The following MDN1 variants were observed in gnomAD, a reference collection of about 807,000 sequenced individuals.
The protein encoded by MDN1 is midasin AAA ATPase 1.
A neutral mutation model predicts 669.2 loss-of-function variants in MDN1; 266 were observed. That is an observed-to-expected ratio of 0.40 (90% CI 0.36 to 0.44). MDN1 has a LOEUF of 0.44. Among genes scored for constraint, MDN1 ranks in the 20% least tolerant of loss-of-function variants. The pLI, the probability that MDN1 is intolerant of heterozygous loss-of-function variation, is 1.00. For synonymous variants in MDN1, 2,385 were observed against 2,457.1 expected, an observed-to-expected ratio of 0.97 and a Z score of 0.87; for missense variants, 5,940 against 6,754.0, an observed-to-expected ratio of 0.88 and a Z score of 4.22.
At chr6:89,754,452 G>A (rs921124760) in intron 20 of MDN1, among the ~76,000 whole-genome samples, 1 of 152,074 alleles carries the variant, frequency 6.6e-6, no homozygotes, top group Non-Finnish European at 1.5e-5. Context: ...ATTTCCTTGG[G>A]GAAACTGGGA....
chr6:89,661,994 G>A, intron 87 of MDN1, 93 bp downstream of exon 87: 2 of 1,442,198 alleles, frequency 1.4e-6, no homozygotes, highest in South Asian at 2.8e-5. Context: ...CGACGAACAG[G>A]GGAAAAAATA....
rs1357137682 is a variant in MDN1, at chr6:89,648,814, A to C, written c.16207-485T>G. ...AGTGAAACCCTGTAACCCTGTCTTC[A>C]AAAAAAAAAAAAAAAACAATTTAGC... is the stretch of plus-strand genomic sequence containing the variant. On this transcript the variant is annotated intron_variant, in intron 97 of 101. Coordinates refer to ENST00000369393, the MANE Select transcript of MDN1 (RefSeq NM_014611.3). Among the ~76,000 whole-genome samples the C allele has an allele frequency of 1.8e-3, 5 of 2,794 alleles. No homozygotes were observed. The Admixed American group carries it at 0.038, about 21-fold the overall frequency. 1.8% of individuals were successfully genotyped at this position (2,794 alleles called of 152,430 possible).
intron 69 of MDN1, 89 bp from the exon 70 acceptor site, chr6:89,686,062 G>C (rs932872883): frequency 1.6e-6 from 2 of 1,285,684 alleles, no homozygotes; most frequent in East Asian, 4.8e-5. Flanking sequence ...GGGATACTAC[G>C]GATGGCCAAG....
At chr6:89,646,227 G>A (rs1307701623) in intron 100 of MDN1, among the ~76,000 whole-genome samples, 2 of 152,182 alleles carry the variant, frequency 1.3e-5, no homozygotes, top group Non-Finnish European at 2.9e-5. Flanking sequence ...TGGTATTCAA[G>A]GGTTAATTGT....
At position 89,806,676 on chromosome 6, in the gene MDN1, C is replaced by T. The variant is rs138121785; in HGVS notation, c.103-3122G>A. Among the ~76,000 whole-genome samples the T allele has an allele frequency of 4.6e-5, 7 of 152,232 alleles. No homozygotes were observed. The East Asian group carries it at 1.3e-3, about 29-fold the overall frequency. On this transcript the variant is annotated intron_variant, in intron 1 of 101. Transcript: ENST00000369393. Reference sequence around the variant, plus strand: ...GAGGTTGCAGTGAACTGAGAATGCACCACTGCACTCCAGCCCGGGCAACAG... The same window carrying T: ...GAGGTTGCAGTGAACTGAGAATGCATCACTGCACTCCAGCCCGGGCAACAG...
intron 2 of MDN1, among the ~76,000 whole-genome samples, chr6:89,796,896 C>T (rs572772293): frequency 4.0e-5 from 6 of 151,630 alleles, no homozygotes; most frequent in African/African-American, 1.5e-4. Flanking sequence ...TGGAGAAACC[C>T]CATCTCTACT....
At chr6:89,809,884 G>A (rs1768274364) in intron 1 of MDN1, among the ~76,000 whole-genome samples, 1 of 148,650 alleles carries the variant, frequency 6.7e-6, no homozygotes, top group African/African-American at 2.5e-5. Flanking sequence ...TACTACTCAT[G>A]AGGCTAGAGT....
intron 84 of MDN1, among the ~76,000 whole-genome samples, chr6:89,667,159 T>C (rs1347281350): frequency 1.3e-5 from 2 of 152,224 alleles, no homozygotes; most frequent in Admixed American, 6.5e-5. Flanking sequence ...TGAACTTTTC[T>C]ATTAGATTTG....
At chr6:89,815,196 C>T in intron 1 of MDN1, 1 of 388,210 alleles carries the variant, frequency 2.6e-6, no homozygotes, top group Admixed American at 3.5e-5. Context: ...CCCTCTACGG[C>T]AGTGGAGGCG....
chr6:89,688,292 G>GAAA, intron 66 of MDN1, 119 bp from the exon 67 acceptor site: 1 of 798,792 alleles, frequency 1.3e-6, no homozygotes. Flanking sequence ...AAACACCTCT[G>GAAA]AAAAAAAAAA....
chr6:89,706,236 A>G, intron 52 of MDN1, 44 bp from the exon 53 acceptor site: 1 of 1,573,856 alleles, frequency 6.4e-7, no homozygotes. Flanking sequence ...CATCAGATTT[A>G]AAATAATCTC....
Position 89,655,672 on chromosome 6 carries a change from C to T in MDN1, c.15490+92G>A, listed in dbSNP as rs550464403. ...CATGTATCAAAACCTCACACTGTAC[C>T]CCACAAATACGTATCATTATTATAG... On this transcript the variant is annotated intron_variant, in intron 92 of 101. Transcript: ENST00000369393. 88 of 1,206,186 alleles carry T rather than the reference C, an allele frequency of 7.3e-5. No individual in the cohort carries two copies. The African/African-American group carries it at 1.3e-3, about 17-fold the overall frequency. 74.7% of individuals were successfully genotyped at this position (1,206,186 alleles called of 1,614,324 possible). A position where few individuals can be genotyped will look rare whatever the true frequency, so the allele number is the denominator to read the frequency against.
chr6:89,778,511 C>T (rs933574664), intron 11 of MDN1, among the ~76,000 whole-genome samples: 7 of 151,946 alleles, frequency 4.6e-5, no homozygotes, highest in African/African-American at 1.5e-4. Context: ...ATACAGTTAT[C>T]CCTACATATT....
Position 89,732,700 on chromosome 6 carries a change from A to G in MDN1, c.4799T>C (p.Val1600Ala). 2 of 1,613,900 alleles carry G rather than the reference A, an allele frequency of 1.2e-6. No homozygotes were observed. The highest frequency in any genetic ancestry group is 1.7e-6 in the Non-Finnish European group (2 of 1,179,922). Reference protein sequence around the residue: ...THQEFGRKCVVSIRDILSWVN... With the variant: ...THQEFGRKCVASIRDILSWVN... Reference sequence around the variant, plus strand: ...CCAGGACAGGATATCTCTGATACTGACCACACACTTTCTGCCAAACTCTTG... The same window carrying G: ...CCAGGACAGGATATCTCTGATACTGGCCACACACTTTCTGCCAAACTCTTG... The change falls in exon 34 of 102, where the codon GTC becomes GCC. Residue 1600 changes from valine (V) to alanine (A), a missense_variant. Around this residue, in one of 5 missense-constraint regions of MDN1, gnomAD observed 2,292 missense variants for 2,638.3 expected, o/e 0.87. Coordinates refer to ENST00000369393, the MANE Select transcript of MDN1 (RefSeq NM_014611.3).
At chr6:89,735,358 A>G (rs1259720400) in intron 33 of MDN1, among the ~76,000 whole-genome samples, 5 of 149,436 alleles carry the variant, frequency 3.3e-5, no homozygotes, top group Non-Finnish European at 7.4e-5. Context: ...AAACACATCA[A>G]TATCACAGAA....
intron 83 of MDN1, among the ~76,000 whole-genome samples, chr6:89,670,063 C>T (rs560780578): frequency 2.1e-5 from 3 of 141,610 alleles, no homozygotes; most frequent in Admixed American, 1.5e-4. Context: ...ATTAGCCAGG[C>T]GTGGTGGCAC....
In MDN1 at chr6:89,650,800, C is replaced by A. The variant is rs370648425; in HGVS notation, c.15963G>T (p.Ala5321=). The change falls in exon 96 of 102, where the codon GCG becomes GCT. Residue 5321 remains alanine, a synonymous_variant. Transcript: ENST00000369393. The part of the protein sequence containing the change: ...EMWQSYLILT[A]PLSQRLCEEL... ...CTTCACATAACCGTTGTGAAAGAGG[C>A]GCTGTTAAGATCAGGTAACTCTGCC... The A allele has an allele frequency of 4.3e-6, 7 of 1,614,090 alleles. No individual in the cohort carries two copies. Among genetic ancestry groups the A allele is most frequent in the Non-Finnish European group, 5.9e-6 (7 of 1,179,974 alleles).
chr6:89,717,617 C>G (rs1288881676), intron 43 of MDN1, among the ~76,000 whole-genome samples: 1 of 152,082 alleles, frequency 6.6e-6, no homozygotes, highest in East Asian at 1.9e-4. Context: ...CATCGGATAT[C>G]TTTTATAATT....
chr6:89,740,471 C>T, intron 31 of MDN1, 93 bp from the exon 32 acceptor site: 3 of 1,206,512 alleles, frequency 2.5e-6, no homozygotes, highest in Non-Finnish European at 3.4e-6. Flanking sequence ...AAAAAGTTAT[C>T]TTCTTTCTAC....
Sources: allele counts gnomAD v4.1 joint callset (sites outside exome capture counted in the v4.1 genomes callset), GRCh38; gene constraint gnomAD v4.1.1; regional missense constraint gnomAD v4.1.1; transcripts MANE v1.5; gene names NCBI Gene and HGNC (gene_info 2026-07-23, HGNC 2026-07-21).